Variants in NFYC observed in about 807,000 individuals in gnomAD.
The protein encoded by NFYC is nuclear transcription factor Y subunit gamma.
In NFYC, 25 loss-of-function variants were observed where a neutral mutation model predicts 53.1. That is an observed-to-expected ratio of 0.47 (90% CI 0.34 to 0.66). The LOEUF is 0.66. NFYC is among the 30% of genes least tolerant of loss of function. The pLI is 0.01. For missense variants in NFYC, 260 were observed against 422.7 expected (o/e 0.62, Z 3.38); for synonymous variants, 145 against 152.6 (o/e 0.95, Z 0.37).
rs201053182 is a variant in NFYC at position 40,759,927 on chromosome 1, G to GA, written c.561+1642dup. The stretch of plus-strand genomic sequence containing the variant: ...AATAAGGAGCTGAGTTTGCCTAGAA[G>GA]AAAAAAAAATGGAGTAGAGGTAGAT... On this transcript the variant is annotated intron_variant, in intron 6 of 9. Transcript: ENST00000447388. 7.6e-4 allele frequency among the ~76,000 whole-genome samples: 114 copies of GA among 150,076 alleles called. 2 individuals carry two copies. In the East Asian group the frequency reaches 0.011, roughly 14 times the overall value.
chr1:40,738,872 C>A lies in NFYC; in HGVS notation c.29C>A (p.Thr10Asn). The A allele has an allele frequency of 6.2e-7, 1 of 1,614,070 alleles. No homozygotes were observed. The highest frequency in any genetic ancestry group is 8.5e-7 in the Non-Finnish European group (1 of 1,179,940). Reference sequence around the variant, plus strand: ...TCCACAGAAGGAGGATTTGGTGGTACTAGCAGCAGTGATGCCCAGCAAAGC... The same window carrying A: ...TCCACAGAAGGAGGATTTGGTGGTAATAGCAGCAGTGATGCCCAGCAAAGC... MSTEGGFGG[T>N]SSSDAQQSLQ... The change falls in exon 2 of 10, where the codon ACT becomes AAT. Residue 10 changes from threonine to asparagine, a missense_variant. By Grantham distance (65) the Thr-to-Asn change is moderately conservative. Transcript: ENST00000447388.
intron 1 of NFYC, among the ~76,000 whole-genome samples, chr1:40,699,953 G>A (rs537571018): frequency 7.2e-5 from 11 of 152,298 alleles, no homozygotes; most frequent in Admixed American, 5.2e-4. Context: ...GATACATTAC[G>A]CGGTGTTACT....
intron 1 of NFYC, among the ~76,000 whole-genome samples, chr1:40,728,322 C>T (rs752431821): frequency 3.3e-5 from 5 of 151,818 alleles, no homozygotes; most frequent in African/African-American, 4.8e-5. Context: ...CTCGGCTGGG[C>T]GCGATGGTTT....
chr1:40,726,789 C>T (rs1029833461), intron 1 of NFYC, among the ~76,000 whole-genome samples: 1 of 152,224 alleles, frequency 6.6e-6, no homozygotes, highest in African/African-American at 2.4e-5. Flanking sequence ...AAAGATTTCT[C>T]TGTAGCTGCT....
intron 1 of NFYC, among the ~76,000 whole-genome samples, chr1:40,726,376 C>G (rs1230113609): frequency 6.6e-6 from 1 of 151,748 alleles, no homozygotes; most frequent in East Asian, 1.9e-4. Context: ...CCTCAGTCTC[C>G]CAAAGTGCTG....
chr1:40,715,395 CAAAA>C (rs1644096761), intron 1 of NFYC, among the ~76,000 whole-genome samples: 1 of 150,762 alleles, frequency 6.6e-6, no homozygotes, highest in Non-Finnish European at 1.5e-5. Context: ...GAAAAAAAAA[CAAAA>C]AACAAAAACT....
chr1:40,733,019 C>CCCCCCCCCT (rs35467973), intron 1 of NFYC, among the ~76,000 whole-genome samples: 2 of 103,192 alleles, frequency 1.9e-5, no homozygotes, highest in African/African-American at 7.6e-5. Flanking sequence ...CCCCCCCCCC[C>CCCCCCCCCT]TTTTTTTTTT....
At chr1:40,703,897 C>G (rs114444102) in intron 1 of NFYC, among the ~76,000 whole-genome samples, 1 of 152,140 alleles carries the variant, frequency 6.6e-6, no homozygotes, top group Admixed American at 6.5e-5. Flanking sequence ...CCATTTTACA[C>G]AGGAGGAAGT....
At chr1:40,727,431 C>T (rs992403379) in intron 1 of NFYC, among the ~76,000 whole-genome samples, 4 of 152,126 alleles carry the variant, frequency 2.6e-5, no homozygotes, top group Non-Finnish European at 5.9e-5. Context: ...CCATGTTGCC[C>T]AGGCTGGTTT....
intron 7 of NFYC, among the ~76,000 whole-genome samples, chr1:40,765,438 C>T (rs979351711): frequency 1.3e-5 from 2 of 152,216 alleles, no homozygotes; most frequent in African/African-American, 4.8e-5. Flanking sequence ...TTTGATTGAA[C>T]ACTGCGTGCA....
At chr1:40,743,419 C>T (rs1645453595) in intron 2 of NFYC, among the ~76,000 whole-genome samples, 1 of 152,168 alleles carries the variant, frequency 6.6e-6, no homozygotes, top group Non-Finnish European at 1.5e-5. Context: ...CAGTGGGCCT[C>T]TTTGAAAATA....
At chr1:40,755,151 C>G (rs1646140800) in intron 5 of NFYC, among the ~76,000 whole-genome samples, 1 of 152,194 alleles carries the variant, frequency 6.6e-6, no homozygotes, top group Non-Finnish European at 1.5e-5. Flanking sequence ...TTCACTCTTG[C>G]TACTAAAGCG....
At chr1:40,769,263 C>T in intron 8 of NFYC, 93 bp from the exon 9 acceptor site, 1 of 1,293,180 alleles carries the variant, frequency 7.7e-7, no homozygotes, top group South Asian at 1.2e-5. Context: ...TATGCATTGT[C>T]TCATTTGATC....
At chr1:40,752,063 A>G (rs1645946543) in intron 4 of NFYC, among the ~76,000 whole-genome samples, 1 of 152,208 alleles carries the variant, frequency 6.6e-6, no homozygotes, top group Admixed American at 6.5e-5. Flanking sequence ...GGTGTGGTAT[A>G]TAGAGTTTGC....
intron 1 of NFYC, among the ~76,000 whole-genome samples, chr1:40,718,098 C>G (rs1644203246): frequency 6.6e-6 from 1 of 152,188 alleles, no homozygotes; most frequent in African/African-American, 2.4e-5. Context: ...AATCTAAACT[C>G]CATGATTATT....
intron 5 of NFYC, 113 bp downstream of exon 5, chr1:40,753,359 G>A (rs944336293): frequency 4.7e-5 from 32 of 681,296 alleles, no homozygotes; most frequent in Non-Finnish European, 7.3e-5. Flanking sequence ...TTTGCTTCTC[G>A]TTTCTAGACC....
At chr1:40,727,214 TG>T (rs1644556992) in intron 1 of NFYC, among the ~76,000 whole-genome samples, 3 of 150,178 alleles carry the variant, frequency 2.0e-5, no homozygotes, top group Admixed American at 1.3e-4. Context: ...TTTGTTTGTT[TG>T]GTTGGTTGGT....
At chr1:40,754,199 G>A (rs1419686373) in intron 5 of NFYC, among the ~76,000 whole-genome samples, 1 of 152,062 alleles carries the variant, frequency 6.6e-6, no homozygotes, top group East Asian at 1.9e-4. Flanking sequence ...CCCCATCCCA[G>A]CCTGTATTAA....
At chr1:40,759,575 GTA>G (rs1363377461) in intron 6 of NFYC, among the ~76,000 whole-genome samples, 3 of 150,800 alleles carry the variant, frequency 2.0e-5, no homozygotes, top group East Asian at 2.1e-4. Context: ...GTGTGTGTGT[GTA>G]TGTGTGTGTG....
Sources: gnomAD v4.1 joint callset for allele counts (sites outside exome capture counted in the v4.1 genomes callset) on GRCh38, gnomAD v4.1.1 for gene constraint, MANE v1.5 for transcripts, NCBI Gene and HGNC (gene_info 2026-07-23, HGNC 2026-07-21) for gene names.